The following TBC1D19 variants were observed in gnomAD, a reference collection of about 807,000 sequenced individuals.
The protein encoded by TBC1D19 is TBC1 domain family, member 19.
TBC1D19 carries 60 observed loss-of-function variants against 89.0 expected under a neutral mutation model. The ratio of observed to expected loss-of-function variants is 0.67; its 90% CI spans 0.55 to 0.84. The LOEUF is 0.84. Among genes scored for constraint, TBC1D19 ranks in the 40% least tolerant of loss-of-function variants. The pLI is 0.00. For synonymous variants in TBC1D19, 189 were observed against 199.7 expected (o/e 0.95, Z 0.45); for missense variants, 500 against 610.8 (o/e 0.82, Z 1.91).
Position 26,637,266 on chromosome 4 carries a change from G to T in TBC1D19, c.350G>T (p.Ser117Ile). Residue 117 changes from serine (S) to isoleucine (I), a missense_variant, in exon 5 of 21, where the codon AGT (serine) becomes ATT (isoleucine). Physicochemically the swap from Ser to Ile is moderately radical, Grantham distance 142 (BLOSUM62 -2). Coordinates refer to ENST00000264866, the MANE Select transcript of TBC1D19 (RefSeq NM_018317.4). The part of the protein sequence containing the change: ...KSLNSMCTEL[S>I]IPLARKRPVG... The stretch of plus-strand genomic sequence containing the variant: ...TTAAATAGTATGTGCACTGAACTGA[G>T]TATCCCACTGGCACGAAAGGTACTT... 2 of 1,609,980 alleles carry T rather than the reference G, an allele frequency of 1.2e-6. No individual in the cohort carries two copies. Among genetic ancestry groups the T allele is most frequent in the Non-Finnish European group, 1.7e-6 (2 of 1,177,976 alleles).
the TBC1D19 span, among the ~76,000 whole-genome samples, chr4:26,785,199 A>T: frequency 6.6e-6 from 1 of 152,220 alleles, no homozygotes; most frequent in East Asian, 1.9e-4. Context: ...TTTACAATCC[A>T]ATTCAAAAGT....
the TBC1D19 span, among the ~76,000 whole-genome samples, chr4:26,803,162 G>A: frequency 2.6e-5 from 4 of 152,158 alleles, no homozygotes; most frequent in African/African-American, 7.2e-5. Flanking sequence ...AGATTTCCTG[G>A]GTGCCAAGGA....
the TBC1D19 span, among the ~76,000 whole-genome samples, chr4:26,767,275 G>T: frequency 1.2e-4 from 19 of 152,124 alleles, no homozygotes. Context: ...GAGAATTCCT[G>T]CAATAAACAA....
chr4:26,724,198 A>C (rs1700060643), intron 15 of TBC1D19, among the ~76,000 whole-genome samples: 1 of 152,224 alleles, frequency 6.6e-6, no homozygotes, highest in African/African-American at 2.4e-5. Flanking sequence ...GGTGAGTTAG[A>C]AAAGGTAGAT....
chr4:26,691,525 T>C (rs1714291211), intron 13 of TBC1D19, among the ~76,000 whole-genome samples: 1 of 152,160 alleles, frequency 6.6e-6, no homozygotes, highest in Non-Finnish European at 1.5e-5. Context: ...GCCATACACA[T>C]TGAAGCAAGA....
At position 26,750,232 on chromosome 4, in the gene TBC1D19, C is replaced by G. The variant is rs573283644; in HGVS notation, c.1435+1706C>G. Among the ~76,000 whole-genome samples the G allele has an allele frequency of 5.3e-5, 8 of 152,292 alleles. No individual in the cohort carries two copies. In the South Asian group the frequency reaches 1.7e-3, roughly 32 times the overall value. Reference sequence around the variant, plus strand: ...GCTAAGTAGCCTTGTTTTCTACTGTCATTTCTCAAGTGAGAGAATTGTAGA... The same window carrying G: ...GCTAAGTAGCCTTGTTTTCTACTGTGATTTCTCAAGTGAGAGAATTGTAGA... On this transcript the variant is annotated intron_variant, in intron 19 of 20. Coordinates refer to ENST00000264866, the MANE Select transcript of TBC1D19 (RefSeq NM_018317.4).
intron 4 of TBC1D19, among the ~76,000 whole-genome samples, chr4:26,632,774 A>G (rs973539757): frequency 2.6e-5 from 4 of 152,108 alleles, no homozygotes; most frequent in Admixed American, 2.6e-4. Context: ...GGACCCTTCT[A>G]TGATATGGAC....
Position 26,700,286 on chromosome 4 carries a change from G to A in TBC1D19, c.954+11879G>A, listed in dbSNP as rs1288034639. ...CAAGAAACTCAACAAACTGAAAGTAGGATAACCACAGATATCCATACCCAG... is the reference window on the plus strand; with the variant it reads ...CAAGAAACTCAACAAACTGAAAGTAAGATAACCACAGATATCCATACCCAG... On this transcript the variant is annotated intron_variant, in intron 13 of 20. Coordinates refer to ENST00000264866, the MANE Select transcript of TBC1D19 (RefSeq NM_018317.4). Among the ~76,000 whole-genome samples the A allele has an allele frequency of 2.0e-5, 3 of 152,046 alleles. 1 individual carries two copies. Among genetic ancestry groups the A allele is most frequent in the East Asian group, 1.9e-4 (1 of 5,192 alleles).
chr4:26,750,613 G>A (rs1446363539), intron 19 of TBC1D19, among the ~76,000 whole-genome samples: 1 of 152,152 alleles, frequency 6.6e-6, no homozygotes, highest in Non-Finnish European at 1.5e-5. Flanking sequence ...TCTTCTATGA[G>A]CTCAATAATT....
chr4:26,715,697 A>G (rs895469583), intron 13 of TBC1D19, among the ~76,000 whole-genome samples: 1 of 152,054 alleles, frequency 6.6e-6, no homozygotes, highest in Non-Finnish European at 1.5e-5. Flanking sequence ...GATATAGGCC[A>G]TTTCAGGAAA....
intron 18 of TBC1D19, among the ~76,000 whole-genome samples, chr4:26,744,190 G>A (rs1718521252): frequency 6.6e-6 from 1 of 151,448 alleles, no homozygotes; most frequent in African/African-American, 2.4e-5. Context: ...TCTATGCTTA[G>A]CCTTTTTAAT....
intron 13 of TBC1D19, among the ~76,000 whole-genome samples, chr4:26,703,624 G>T (rs1715499673): frequency 6.6e-6 from 1 of 152,142 alleles, no homozygotes; most frequent in Admixed American, 6.6e-5. Flanking sequence ...TTTACATACA[G>T]ATGAGAAAAT....
the TBC1D19 span, among the ~76,000 whole-genome samples, chr4:26,824,780 T>A: frequency 6.6e-6 from 1 of 152,196 alleles, no homozygotes; most frequent in Non-Finnish European, 1.5e-5. Flanking sequence ...TAAATTCACA[T>A]GGCCATATGC....
chr4:26,593,098 G>T (rs1039859725), intron 1 of TBC1D19, among the ~76,000 whole-genome samples: 1 of 152,166 alleles, frequency 6.6e-6, no homozygotes, highest in Non-Finnish European at 1.5e-5. Context: ...ATACTACAAG[G>T]CTACAGTAAC....
the TBC1D19 span, among the ~76,000 whole-genome samples, chr4:26,833,795 T>C: frequency 1.3e-5 from 2 of 152,348 alleles, no homozygotes; most frequent in East Asian, 1.9e-4. Context: ...AGAGATTTAC[T>C]GATGACTGCC....
At chr4:26,805,538 T>G in the TBC1D19 span, among the ~76,000 whole-genome samples, 3 of 152,182 alleles carry the variant, frequency 2.0e-5, no homozygotes, top group African/African-American at 7.2e-5. Flanking sequence ...GTATCCTCAG[T>G]CCTCAGTCAC....
Position 26,742,616 on chromosome 4 carries a change from C to A in TBC1D19, c.1319+17C>A. 6.3e-7 allele frequency: 1 copy of A among 1,596,156 alleles called. No individual in the cohort carries two copies. Among genetic ancestry groups the A allele is most frequent in the Non-Finnish European group, 8.6e-7 (1 of 1,166,442 alleles). On this transcript the variant is annotated intron_variant, in intron 18 of 20. Transcript: ENST00000264866. ...GGCTCAACCGTGAGTACTTTTCTCTCCTAATTGAAGAATAGATAGTTTCAC... is the reference window on the plus strand; with the variant it reads ...GGCTCAACCGTGAGTACTTTTCTCTACTAATTGAAGAATAGATAGTTTCAC...
chr4:26,616,049 C>T (rs1001109663), intron 3 of TBC1D19, among the ~76,000 whole-genome samples: 1 of 151,752 alleles, frequency 6.6e-6, no homozygotes, highest in Admixed American at 6.6e-5. Flanking sequence ...CTGAATAACT[C>T]GTTGGGATTT....
chr4:26,701,297 A>G (rs1004756340), intron 13 of TBC1D19, among the ~76,000 whole-genome samples: 19 of 144,280 alleles, frequency 1.3e-4, no homozygotes, highest in African/African-American at 4.4e-4. Flanking sequence ...ACCTTCCCTG[A>G]CCAACCCGTC....
Sources: gnomAD v4.1 joint callset for allele counts (sites outside exome capture counted in the v4.1 genomes callset) on GRCh38, gnomAD v4.1.1 for gene constraint, MANE v1.5 for transcripts, NCBI Gene and HGNC (gene_info 2026-07-23, HGNC 2026-07-21) for gene names.